OR2C1: variants seen among roughly 807,000 people sequenced by gnomAD.
The protein encoded by OR2C1 is olfactory receptor 2C1.
For synonymous variants in OR2C1, 209 were observed against 167.3 expected (o/e 1.25, Z -1.92); for missense variants, 468 against 388.3 (o/e 1.21, Z -1.73).
At chr16:3,355,849 T>A (rs2030657013), upstream of OR2C1, 1 of 891,716 alleles carries the variant, frequency 1.1e-6, no homozygotes, top group Admixed American at 2.5e-5. Context: ...CCGTTCCTGA[T>A]GCAAATCCAC....
chr16:3,337,275 C>A, the OR2C1 span, among the ~76,000 whole-genome samples: 2 of 152,088 alleles, frequency 1.3e-5, no homozygotes, highest in Admixed American at 6.5e-5. Flanking sequence ...ATGCCTCAGC[C>A]TCCCAAGTAG....
At chr16:3,355,041 T>TG (rs2030638200), upstream of OR2C1, among the ~76,000 whole-genome samples, 1 of 152,162 alleles carries the variant, frequency 6.6e-6, no homozygotes. Flanking sequence ...CTTCAGTTCT[T>TG]GGGGTCTTTT....
At chr16:3,341,721 C>T in the OR2C1 span, among the ~76,000 whole-genome samples, 2 of 152,176 alleles carry the variant, frequency 1.3e-5, no homozygotes, top group Non-Finnish European at 2.9e-5. Flanking sequence ...AGCTCTGTCA[C>T]TGTGGAGTTG....
chr16:3,326,254 T>C, the OR2C1 span, among the ~76,000 whole-genome samples: 2 of 152,078 alleles, frequency 1.3e-5, no homozygotes, highest in African/African-American at 2.4e-5. Flanking sequence ...GATGACAGCC[T>C]GGGACGCCGA....
chr16:3,325,667 A>G, the OR2C1 span, among the ~76,000 whole-genome samples: 1 of 151,440 alleles, frequency 6.6e-6, no homozygotes, highest in South Asian at 2.1e-4. Flanking sequence ...GTATGCCTGT[A>G]TATTAATACA....
chr16:3,323,021 C>G, the OR2C1 span: 1 of 690,858 alleles, frequency 1.4e-6, no homozygotes, highest in Non-Finnish European at 1.8e-6. Context: ...GAGGTACTTG[C>G]CATGAACCTA....
At chr16:3,335,243 C>T in the OR2C1 span, among the ~76,000 whole-genome samples, 3 of 152,158 alleles carry the variant, frequency 2.0e-5, no homozygotes, top group Non-Finnish European at 4.4e-5. Context: ...ATAGAGATTG[C>T]ATTGAATCTG....
the OR2C1 span, chr16:3,323,257 A>C: frequency 1.3e-6 from 1 of 794,390 alleles, no homozygotes; most frequent in Non-Finnish European, 2.2e-6. Context: ...TCCTTGAGGA[A>C]GCCCACTGTA....
chr16:3,325,460 A>AATATATATATATATAT, the OR2C1 span, among the ~76,000 whole-genome samples: 1 of 93,174 alleles, frequency 1.1e-5, no homozygotes, highest in Non-Finnish European at 2.0e-5. Context: ...TATGTCTAAA[A>AATATATATATATATAT]ATATATATAT....
chr16:3,344,394 C>G, the OR2C1 span, among the ~76,000 whole-genome samples: 1 of 152,048 alleles, frequency 6.6e-6, no homozygotes, highest in Non-Finnish European at 1.5e-5. Flanking sequence ...TGCAAATAAA[C>G]TTGAGATAAC....
chr16:3,331,247 T>C, the OR2C1 span, among the ~76,000 whole-genome samples: 50 of 152,350 alleles, frequency 3.3e-4, no homozygotes, highest in Non-Finnish European at 6.9e-4. Context: ...TGTTTTTTTC[T>C]TGTAAATTTG....
chr16:3,327,894 A>T, the OR2C1 span, among the ~76,000 whole-genome samples: 3 of 152,182 alleles, frequency 2.0e-5, no homozygotes, highest in African/African-American at 7.2e-5. Context: ...TCAAAGCATT[A>T]AAATTTCATT....
At chr16:3,332,175 A>G in the OR2C1 span, among the ~76,000 whole-genome samples, 1,443 of 151,782 alleles carry the variant, frequency 9.5e-3, 17 homozygotes, top group African/African-American at 0.033. Flanking sequence ...ATGTATACAT[A>G]TGTAACTAAC....
chr16:3,357,709 C>T (rs982242501), downstream of OR2C1, among the ~76,000 whole-genome samples: 7 of 152,050 alleles, frequency 4.6e-5, no homozygotes, highest in East Asian at 1.9e-4. Context: ...CCACTGGGTG[C>T]AGTGGCTCAC....
the OR2C1 span, among the ~76,000 whole-genome samples, chr16:3,331,209 C>T: frequency 1.3e-5 from 2 of 152,184 alleles, no homozygotes; most frequent in African/African-American, 4.8e-5. Flanking sequence ...CTGTTTATGT[C>T]CTTCGCCCAC....
chr16:3,355,178 C>A (rs1431048079), upstream of OR2C1, among the ~76,000 whole-genome samples: 1 of 151,830 alleles, frequency 6.6e-6, no homozygotes, highest in Non-Finnish European at 1.5e-5. Flanking sequence ...AGTTTGAAAT[C>A]TAGGCCACGC....
chr16:3,352,217 A>C (rs2030583291), upstream of OR2C1, among the ~76,000 whole-genome samples: 2 of 151,886 alleles, frequency 1.3e-5, no homozygotes, highest in African/African-American at 2.4e-5. Context: ...CCCAGGTTCA[A>C]GCCATTCTCC....
chr16:3,323,573 C>T, the OR2C1 span: 9 of 752,090 alleles, frequency 1.2e-5, no homozygotes, highest in Non-Finnish European at 2.2e-5. Flanking sequence ...TACAAAGACA[C>T]CACTAAAAAT....
At chr16:3,348,083 GC>G in the OR2C1 span, among the ~76,000 whole-genome samples, 1 of 152,180 alleles carries the variant, frequency 6.6e-6, no homozygotes, top group Non-Finnish European at 1.5e-5. Flanking sequence ...CGGAATGAGG[GC>G]TACTAGTGTA....
Sources: gnomAD v4.1 joint callset for allele counts (sites outside exome capture counted in the v4.1 genomes callset) on GRCh38, gnomAD v4.1.1 for gene constraint, MANE v1.5 for transcripts, NCBI Gene and HGNC (gene_info 2026-07-23, HGNC 2026-07-21) for gene names.